The following RCAN1 variants were observed in gnomAD, a reference collection of about 807,000 sequenced individuals.
RCAN1 encodes the protein regulator of calcineurin 1, also known as calcipressin-1.
Under a neutral mutation model 22.9 loss-of-function variants are expected in RCAN1, and 11 were observed. The ratio of observed to expected loss-of-function variants is 0.48; its 90% CI spans 0.30 to 0.79. RCAN1 has a LOEUF of 0.79. Ranked by LOEUF, RCAN1 falls within the 30% of genes least tolerant of loss-of-function variation. The pLI, the probability that RCAN1 is intolerant of heterozygous loss-of-function variation, is 0.06. For missense variants in RCAN1, 291 were observed against 337.8 expected, an observed-to-expected ratio of 0.86 and a Z score of 1.09; for synonymous variants, 136 against 142.3, an observed-to-expected ratio of 0.96 and a Z score of 0.32.
At chr21:34,519,176 C>T (rs946295492) in intron 3 of RCAN1, among the ~76,000 whole-genome samples, 7 of 152,096 alleles carry the variant, frequency 4.6e-5, no homozygotes, top group Admixed American at 1.3e-4. Context: ...AATGAGAACC[C>T]GGCTCACCAC....
chr21:34,614,493 C>T lies in RCAN1; in HGVS notation c.252+267G>A, dbSNP rs1988764012. On this transcript the variant is annotated intron_variant, in intron 1 of 3. Coordinates refer to ENST00000313806, the MANE Select transcript of RCAN1 (RefSeq NM_004414.7). The surrounding 1 kb of genome is among the most constrained non-coding windows in gnomAD (Gnocchi z 6.0). ...GGGAGCGAATTCACCCCCCTAGTCG[C>T]ACCAGCCTGGGCGCACACGGGGGCC... 12 of 1,038,820 alleles carry T rather than the reference C, an allele frequency of 1.2e-5. No individual in the cohort carries two copies. The highest frequency in any genetic ancestry group is 1.4e-5 in the Non-Finnish European group (12 of 865,512). The allele number at this position is 1,038,820 out of a possible 1,614,324, so 64.4% of individuals were successfully genotyped here.
chr21:34,590,440 C>T (rs531603606), intron 1 of RCAN1, among the ~76,000 whole-genome samples: 1 of 152,322 alleles, frequency 6.6e-6, no homozygotes, highest in Admixed American at 6.5e-5. Context: ...AATGAGCACA[C>T]CTCATAGGAT....
At chr21:34,563,385 T>A (rs2251958) in intron 1 of RCAN1, among the ~76,000 whole-genome samples, 37,588 of 152,060 alleles carry the variant, frequency 0.25, 5,319 homozygotes, top group East Asian at 0.41. Context: ...GGGGAAATTA[T>A]TCCTACATTA....
intron 1 of RCAN1, among the ~76,000 whole-genome samples, chr21:34,578,561 G>A (rs906850101): frequency 3.3e-5 from 5 of 152,128 alleles, no homozygotes; most frequent in African/African-American, 1.2e-4. Flanking sequence ...ACTAGTTCCA[G>A]ACCAGGGTCA....
chr21:34,523,448 C>G, intron 2 of RCAN1, 89 bp downstream of exon 2: 1 of 1,270,348 alleles, frequency 7.9e-7, no homozygotes, highest in East Asian at 2.4e-5. Context: ...AGTTTCCGGT[C>G]AGCATATAAC....
chr21:34,603,293 C>G (rs986227035), intron 1 of RCAN1, among the ~76,000 whole-genome samples: 1 of 152,198 alleles, frequency 6.6e-6, no homozygotes, highest in Non-Finnish European at 1.5e-5. Flanking sequence ...GGCCCCTCCA[C>G]AAGCTGGAGA....
chr21:34,592,431 T>C (rs1988005266), intron 1 of RCAN1, among the ~76,000 whole-genome samples: 1 of 152,236 alleles, frequency 6.6e-6, no homozygotes, highest in South Asian at 2.1e-4. Context: ...GCTGGGCTGC[T>C]GTTCTTCTGA....
At chr21:34,529,937 G>T (rs1225338356) in intron 1 of RCAN1, among the ~76,000 whole-genome samples, 1 of 152,138 alleles carries the variant, frequency 6.6e-6, no homozygotes, top group African/African-American at 2.4e-5. Context: ...TTTCACTTTT[G>T]CTTTCTCATC....
intron 1 of RCAN1, among the ~76,000 whole-genome samples, chr21:34,592,302 G>A (rs2123712657): frequency 6.6e-6 from 1 of 152,276 alleles, no homozygotes; most frequent in East Asian, 1.9e-4. Flanking sequence ...ACACACTCCT[G>A]GAACAGCACA....
intron 1 of RCAN1, among the ~76,000 whole-genome samples, chr21:34,549,471 C>T (rs1012232516): frequency 6.6e-6 from 1 of 151,920 alleles, no homozygotes; most frequent in Non-Finnish European, 1.5e-5. Context: ...TGGTGGCTGC[C>T]GAGGTGGTGA....
intron 1 of RCAN1, among the ~76,000 whole-genome samples, chr21:34,574,189 T>C (rs1360183474): frequency 6.6e-6 from 1 of 152,240 alleles, no homozygotes; most frequent in Admixed American, 6.5e-5. Flanking sequence ...ATCAGTCATT[T>C]GCAAGGGAGT....
intron 1 of RCAN1, among the ~76,000 whole-genome samples, chr21:34,610,508 G>A (rs1257996769): frequency 6.6e-6 from 1 of 152,174 alleles, no homozygotes; most frequent in East Asian, 1.9e-4. Context: ...GGAAATCAAG[G>A]CACAGAAAGG....
At chr21:34,601,212 T>C (rs1988329595) in intron 1 of RCAN1, among the ~76,000 whole-genome samples, 2 of 152,250 alleles carry the variant, frequency 1.3e-5, no homozygotes, top group African/African-American at 2.4e-5. Context: ...GTAGACACTG[T>C]AATTTCTGCA....
chr21:34,521,815 G>C (rs1984580798), intron 2 of RCAN1, 157 bp from the exon 3 acceptor site: 1 of 634,390 alleles, frequency 1.6e-6, no homozygotes, highest in Non-Finnish European at 2.7e-6. Context: ...CTGTAATGGG[G>C]AGGGCAAAAG....
chr21:34,559,014 C>T (rs1014031599), intron 1 of RCAN1, among the ~76,000 whole-genome samples: 1 of 152,220 alleles, frequency 6.6e-6, no homozygotes, highest in Non-Finnish European at 1.5e-5. Flanking sequence ...CTACAAGAAA[C>T]ATTCCACCTA....
chr21:34,525,876 T>C (rs2123589819), intron 1 of RCAN1, among the ~76,000 whole-genome samples: 1 of 152,242 alleles, frequency 6.6e-6, no homozygotes, highest in Non-Finnish European at 1.5e-5. Flanking sequence ...AAGCATTATA[T>C]ACAATTATGG....
intron 1 of RCAN1, among the ~76,000 whole-genome samples, chr21:34,607,583 G>T (rs1988568574): frequency 6.6e-6 from 1 of 152,122 alleles, no homozygotes; most frequent in Non-Finnish European, 1.5e-5. Context: ...TAGAGATGGG[G>T]TTTCACCATG....
chr21:34,615,078 C>A lies in RCAN1; in HGVS notation c.-67G>T. On this transcript the variant is annotated 5_prime_UTR_variant, in exon 1 of 4. Transcript: ENST00000313806. ...CGGGCTTGCGCGCCGGAGCCTCACG[C>A]GCTCCGGTCCGCGCCCGGCCGGCGG... 1 of 1,006,622 alleles carries A rather than the reference C, an allele frequency of 9.9e-7. No individual in the cohort carries two copies. The highest frequency in any genetic ancestry group is 1.7e-5 in the African/African-American group (1 of 57,628). 62.4% of individuals were successfully genotyped at this position (1,006,622 alleles called of 1,614,324 possible). A position where few individuals can be genotyped will look rare whatever the true frequency, so the allele number is the denominator to read the frequency against.
At chr21:34,543,892 G>A (rs1391855564) in intron 1 of RCAN1, among the ~76,000 whole-genome samples, 1 of 152,230 alleles carries the variant, frequency 6.6e-6, no homozygotes, top group Non-Finnish European at 1.5e-5. Flanking sequence ...GGCACTGACA[G>A]CCAGAGTCAG....
Sources: allele counts gnomAD v4.1 joint callset (sites outside exome capture counted in the v4.1 genomes callset), GRCh38; gene constraint gnomAD v4.1.1; non-coding constraint Gnocchi (gnomAD v3.1); transcripts MANE v1.5; gene names NCBI Gene and HGNC (gene_info 2026-07-23, HGNC 2026-07-21).